The following AGAP2 variants were observed in gnomAD, a reference collection of about 807,000 sequenced individuals.
The protein encoded by AGAP2 is arf-GAP with GTPase, ANK repeat and PH domain-containing protein 2.
A neutral mutation model predicts 110.9 loss-of-function variants in AGAP2; 32 were observed. That is an observed-to-expected ratio of 0.29 (90% CI 0.22 to 0.39). AGAP2 has a LOEUF of 0.39. Ranked by LOEUF, AGAP2 falls within the 10% of genes least tolerant of loss-of-function variation. The probability of loss-of-function intolerance (pLI) is 1.00; values close to 1 mark genes in which losing one functional copy is unlikely to be tolerated. For missense variants in AGAP2, 1,285 were observed against 1,638.5 expected (o/e 0.78, Z 3.72); for synonymous variants, 702 against 713.0 (o/e 0.98, Z 0.25).
rs1200578406 is a variant in AGAP2, at chr12:57,736,217, G to A, written c.1169-790C>T. 9.9e-5 allele frequency among the ~76,000 whole-genome samples: 15 copies of A among 152,276 alleles called. No individual in the cohort carries two copies. The South Asian group carries it at 2.7e-3, about 27-fold the overall frequency. ...CCCGCTCCGGAGCCAAACCCCGGGGGCCGCCTCCGCTCCCGGACCCGCCTC... is the reference window on the plus strand; with the variant it reads ...CCCGCTCCGGAGCCAAACCCCGGGGACCGCCTCCGCTCCCGGACCCGCCTC... On this transcript the variant is annotated intron_variant, in intron 1 of 18. Coordinates refer to ENST00000547588, the MANE Select transcript of AGAP2 (RefSeq NM_001122772.3).
In AGAP2 at chr12:57,731,423, C is replaced by A; in HGVS notation, c.2088G>T (p.Lys696Asn). Residue 696 changes from lysine to asparagine, a missense_variant, in exon 10 of 19, where the codon AAG (lysine) becomes AAT (asparagine). By Grantham distance (94) the Lys-to-Asn change is moderately conservative. Transcript: ENST00000547588. ...RSGNSLNKEW[K>N]KKYVTLSSNG... The stretch of plus-strand genomic sequence containing the variant: ...TACTGGACAGGGTTACATATTTCTT[C>A]TTCCATTCTTTGTTCAAGGAATTGC... The A allele has an allele frequency of 6.2e-7, 1 of 1,614,168 alleles. No individual in the cohort carries two copies. The highest frequency in any genetic ancestry group is 8.5e-7 in the Non-Finnish European group (1 of 1,180,028).
At chr12:57,736,419 C>T (rs1279279433) in intron 1 of AGAP2, among the ~76,000 whole-genome samples, 1 of 152,238 alleles carries the variant, frequency 6.6e-6, no homozygotes, top group Non-Finnish European at 1.5e-5. Flanking sequence ...TGACTCACTC[C>T]AGGGTCAGCC....
rs1954900639 is a variant in AGAP2, at chr12:57,732,287, A to G, written c.1794+116T>C. On this transcript the variant is annotated intron_variant, in intron 7 of 18. Transcript: ENST00000547588. The stretch of plus-strand genomic sequence containing the variant: ...ACTTTCTGCCAATAGTTTCACTGCC[A>G]TTTCCATCTGTTTCCCCACTCCCTG... 1.7e-5 allele frequency: 17 copies of G among 994,460 alleles called. No homozygotes were observed. In the South Asian group the frequency reaches 2.2e-4, roughly 13 times the overall value. 61.6% of individuals were successfully genotyped at this position (994,460 alleles called of 1,614,324 possible).
At chr12:57,740,219 T>C (rs1595099113), upstream of AGAP2, among the ~76,000 whole-genome samples, 1 of 144,092 alleles carries the variant, frequency 6.9e-6, no homozygotes, top group Non-Finnish European at 1.5e-5. Flanking sequence ...GGGCTGAGGG[T>C]GGGGGGGCTG....
At chr12:57,734,500 T>TC in intron 3 of AGAP2, 92 bp downstream of exon 3, 3 of 1,582,618 alleles carry the variant, frequency 1.9e-6, no homozygotes, top group Non-Finnish European at 2.6e-6. Flanking sequence ...GCCTCATCCT[T>TC]CCCCCCTGGT....
chr12:57,728,764 G>A (rs1954824198), intron 13 of AGAP2, among the ~76,000 whole-genome samples: 1 of 152,132 alleles, frequency 6.6e-6, no homozygotes, highest in Non-Finnish European at 1.5e-5. Flanking sequence ...GAGATGAGAG[G>A]GCCCTGGGGC....
At chr12:57,729,513 G>T in intron 13 of AGAP2, 126 bp downstream of exon 13, 1 of 1,338,738 alleles carries the variant, frequency 7.5e-7, no homozygotes, top group Non-Finnish European at 1.0e-6. Context: ...TAAGTTGTGT[G>T]CAGTGGTAAT....
rs1015871546 is a variant in AGAP2, at chr12:57,726,431, A to G, written c.*121T>C. The G allele has an allele frequency of 1.3e-5, 13 of 1,006,958 alleles. No homozygotes were observed. Among genetic ancestry groups the G allele is most frequent in the Non-Finnish European group, 1.6e-5 (13 of 811,678 alleles). 62.4% of individuals were successfully genotyped at this position (1,006,958 alleles called of 1,614,324 possible). A position where few individuals can be genotyped will look rare whatever the true frequency, so the allele number is the denominator to read the frequency against. ...GGGGCTGTGCCCTCGTGGGGGTAGG[A>G]AGTGCTCCCGTGGGGCGGGGTGCGG... On this transcript the variant is annotated 3_prime_UTR_variant, in exon 19 of 19. Coordinates refer to ENST00000547588, the MANE Select transcript of AGAP2 (RefSeq NM_001122772.3). This position sits in a 1 kb window ranked among gnomAD's most constrained non-coding sequence, Gnocchi z 5.7.
upstream of AGAP2, chr12:57,739,786 A>T (rs535968206): frequency 1.3e-5 from 2 of 152,186 alleles, no homozygotes; most frequent in Admixed American, 1.3e-4. Flanking sequence ...AAGTATAAGG[A>T]CCCTTCAGTT....
upstream of AGAP2, chr12:57,741,889 T>G (rs767736373): frequency 8.7e-6 from 14 of 1,607,336 alleles, no homozygotes; most frequent in South Asian, 1.3e-4. Context: ...TACACCCAAG[T>G]TGAGGGCTGA....
At position 57,736,047 on chromosome 12, in the gene AGAP2, G is replaced by T. The variant is rs192032337; in HGVS notation, c.1169-620C>A. 6.1e-4 allele frequency among the ~76,000 whole-genome samples: 93 copies of T among 152,290 alleles called. No homozygotes were observed. In the East Asian group the frequency reaches 0.014, roughly 24 times the overall value. On this transcript the variant is annotated intron_variant, in intron 1 of 18. Transcript: ENST00000547588. ...AAGAACTGTGGGGAAGGGCTCCATC[G>T]CCTGGCCGAGAGAAGCCACAGGCCC...
rs1402550660 is a variant in AGAP2 at position 57,725,849 on chromosome 12, C to T, written c.*703G>A. ...CGCTCCTGCTCCATCCCTTCTCCCT[C>T]CCAAGATAGTAGTGGGAGGGACCCA... is the stretch of plus-strand genomic sequence containing the variant. On this transcript the variant is annotated 3_prime_UTR_variant, in exon 19 of 19. Coordinates refer to ENST00000547588, the MANE Select transcript of AGAP2 (RefSeq NM_001122772.3). 1 of 151,916 alleles carries T rather than the reference C, an allele frequency of 6.6e-6. No homozygotes were observed. Among genetic ancestry groups the T allele is most frequent in the Non-Finnish European group, 1.5e-5 (1 of 68,002 alleles). The allele number at this position is 151,916 out of a possible 1,614,324, so 9.4% of individuals were successfully genotyped here. A position where few individuals can be genotyped will look rare whatever the true frequency, so the allele number is the denominator to read the frequency against.
Position 57,737,246 on chromosome 12 carries a change from C to A in AGAP2, c.1001G>T (p.Gly334Val), listed in dbSNP as rs1413248591. 6.2e-7 allele frequency: 1 copy of A among 1,612,260 alleles called. No individual in the cohort carries two copies. Among genetic ancestry groups the A allele is most frequent in the Admixed American group, 1.7e-5 (1 of 59,790 alleles). The change falls in exon 1 of 19, where the codon GGG becomes GTG. Residue 334 changes from glycine (G) to valine (V), a missense_variant. Physicochemically the swap from Gly to Val is moderately radical, Grantham distance 109 (BLOSUM62 -3). This residue lies in a region of AGAP2 where 844 missense variants were observed against 941.2 expected (regional missense o/e 0.90). Transcript: ENST00000547588. The surrounding 1 kb of genome is among the most constrained non-coding windows in gnomAD (Gnocchi z 5.9). ...PAPGLKRGRE[G>V]GRASTRDRKM... ...GCGGTCACGAGTGGATGCTCGGCCC[C>A]CCTCCCGGCCCCGTTTCAGCCCCGG...
upstream of AGAP2, among the ~76,000 whole-genome samples, chr12:57,738,951 G>C (rs1955042170): frequency 6.6e-6 from 1 of 151,900 alleles, no homozygotes; most frequent in African/African-American, 2.4e-5. This position sits in a 1 kb window ranked among gnomAD's most constrained non-coding sequence, Gnocchi z 6.7. Flanking sequence ...GTGTCCGGGC[G>C]CTCCCCTCAC....
chr12:57,730,417 C>A (rs912680887), intron 12 of AGAP2, 78 bp downstream of exon 12: 64 of 1,577,856 alleles, frequency 4.1e-5, no homozygotes, highest in Non-Finnish European at 5.3e-5. Flanking sequence ...AGCCTCCAAG[C>A]CTTCACCCCA....
Position 57,731,972 on chromosome 12 carries a change from G to T in AGAP2, c.1795-5C>A, listed in dbSNP as rs1447635314. 1.9e-6 allele frequency: 3 copies of T among 1,613,068 alleles called. No homozygotes were observed. The highest frequency in any genetic ancestry group is 2.5e-6 in the Non-Finnish European group (3 of 1,179,836). On this transcript the variant is annotated splice_region_variant and splice_polypyrimidine_tract_variant and intron_variant, in intron 7 of 18. Transcript: ENST00000547588. ...AGTGTGGCCCCCGTTACTAGCCTGGGCACATATGGAAGAGTCAGCAGAGCT... is the reference window on the plus strand; with the variant it reads ...AGTGTGGCCCCCGTTACTAGCCTGGTCACATATGGAAGAGTCAGCAGAGCT...
chr12:57,729,056 GTCCCA>G (rs1954832053), intron 13 of AGAP2, among the ~76,000 whole-genome samples: 1 of 151,644 alleles, frequency 6.6e-6, no homozygotes, highest in African/African-American at 2.4e-5. Context: ...AGTGCCTGTA[GTCCCA>G]GCTACTTGGA....
intron 7 of AGAP2, among the ~76,000 whole-genome samples, chr12:57,732,174 A>G (rs1160309875): frequency 1.3e-5 from 2 of 152,210 alleles, no homozygotes; most frequent in Non-Finnish European, 2.9e-5. Flanking sequence ...GTGTCATACA[A>G]TCTTCCTGAT....
intron 7 of AGAP2, 57 bp downstream of exon 7, chr12:57,732,346 T>G: frequency 6.7e-7 from 1 of 1,484,284 alleles, no homozygotes; most frequent in Non-Finnish European, 9.2e-7. Context: ...TGTCCTAGGA[T>G]CCCCAGCCCC....
Sources: gnomAD v4.1 joint callset for allele counts (sites outside exome capture counted in the v4.1 genomes callset) on GRCh38, gnomAD v4.1.1 for gene constraint, gnomAD v4.1.1 regional missense constraint, Gnocchi (gnomAD v3.1) non-coding constraint, MANE v1.5 for transcripts, NCBI Gene and HGNC (gene_info 2026-07-23, HGNC 2026-07-21) for gene names.